The following STK39 variants were observed in gnomAD, a reference collection of about 807,000 sequenced individuals.
STK39 encodes STE20/SPS1-related proline-alanine-rich protein kinase.
In STK39, 20 loss-of-function variants were observed where a neutral mutation model predicts 77.8. That is an observed-to-expected ratio of 0.26 (90% CI 0.18 to 0.37). The LOEUF (loss-of-function observed/expected upper bound fraction) is 0.37. Ranked by LOEUF, STK39 falls within the 10% of genes least tolerant of loss-of-function variation. The pLI, the probability that STK39 is intolerant of heterozygous loss-of-function variation, is 1.00. For synonymous variants in STK39, 246 were observed against 234.1 expected, an observed-to-expected ratio of 1.05 and a Z score of -0.47; for missense variants, 479 against 656.5, an observed-to-expected ratio of 0.73 and a Z score of 2.95.
intron 17 of STK39, among the ~76,000 whole-genome samples, chr2:167,957,425 T>C (rs1691818033): frequency 6.6e-6 from 1 of 152,206 alleles, no homozygotes; most frequent in Admixed American, 6.5e-5. Context: ...GGCTGAGGTA[T>C]TTCTGGTGGT....
chr2:168,035,543 TA>T (rs1207025823), intron 14 of STK39, among the ~76,000 whole-genome samples: 3 of 152,152 alleles, frequency 2.0e-5, no homozygotes, highest in Non-Finnish European at 4.4e-5. Flanking sequence ...ATCTAGGAAG[TA>T]AGACATGTTA....
At chr2:168,158,584 A>G (rs186440852) in intron 5 of STK39, among the ~76,000 whole-genome samples, 5 of 152,320 alleles carry the variant, frequency 3.3e-5, no homozygotes, top group Admixed American at 6.5e-5. Flanking sequence ...ATCCAGATTT[A>G]AGGTCCTCCT....
chr2:168,149,393 T>G (rs902591531), intron 5 of STK39, among the ~76,000 whole-genome samples: 1 of 152,208 alleles, frequency 6.6e-6, no homozygotes, highest in African/African-American at 2.4e-5. Flanking sequence ...CAATCCCCAC[T>G]GGCAGTGCAG....
At chr2:168,150,823 C>T (rs1196841529) in intron 5 of STK39, among the ~76,000 whole-genome samples, 1 of 151,866 alleles carries the variant, frequency 6.6e-6, no homozygotes, top group Non-Finnish European at 1.5e-5. Flanking sequence ...ATTCACACAC[C>T]ACTACATATT....
At chr2:168,221,642 G>T (rs555020680) in intron 1 of STK39, among the ~76,000 whole-genome samples, 1 of 152,114 alleles carries the variant, frequency 6.6e-6, no homozygotes, top group Non-Finnish European at 1.5e-5. Flanking sequence ...GAGATGGAAC[G>T]ATTAGTTACC....
At chr2:168,101,889 T>C (rs935578903) in intron 10 of STK39, among the ~76,000 whole-genome samples, 2 of 152,190 alleles carry the variant, frequency 1.3e-5, no homozygotes, top group African/African-American at 2.4e-5. Flanking sequence ...TTTTAGAACA[T>C]TGCTGTCACC....
At chr2:168,210,736 T>C (rs1479201975) in intron 1 of STK39, among the ~76,000 whole-genome samples, 1 of 152,088 alleles carries the variant, frequency 6.6e-6, no homozygotes, top group Non-Finnish European at 1.5e-5. Context: ...GCCAGGCTGG[T>C]CTCAAACCCC....
At position 167,969,283 on chromosome 2, in the gene STK39, T is replaced by G. The variant is rs55715865; in HGVS notation, c.1499-4557A>C. Among the ~76,000 whole-genome samples, 133 of 152,352 alleles carry G rather than the reference T, an allele frequency of 8.7e-4. 1 individual carries two copies. In the South Asian group the frequency reaches 0.013, roughly 15 times the overall value. On this transcript the variant is annotated intron_variant, in intron 16 of 17. Transcript: ENST00000355999. ...TCTTACCTCCTCCGAGCCCTCTTTC[T>G]AATACTCACCAGAGTTACTGGATAA...
At chr2:168,038,431 G>T (rs1344274022) in intron 14 of STK39, among the ~76,000 whole-genome samples, 1 of 136,884 alleles carries the variant, frequency 7.3e-6, no homozygotes, top group Non-Finnish European at 1.6e-5. Context: ...AGACCTAAAT[G>T]TAAAGGCTAA....
intron 16 of STK39, among the ~76,000 whole-genome samples, chr2:167,972,031 G>C (rs1692361615): frequency 1.3e-5 from 2 of 152,196 alleles, no homozygotes; most frequent in African/African-American, 4.8e-5. Flanking sequence ...GAGGCTTTTT[G>C]CCTGTGGTTG....
At chr2:168,085,936 A>G (rs1686354683) in intron 10 of STK39, among the ~76,000 whole-genome samples, 1 of 152,186 alleles carries the variant, frequency 6.6e-6, no homozygotes, top group Non-Finnish European at 1.5e-5. Context: ...TAAGCATTCC[A>G]ACTGCCTTCA....
intron 5 of STK39, among the ~76,000 whole-genome samples, chr2:168,152,603 C>T (rs969604885): frequency 3.3e-5 from 5 of 152,096 alleles, no homozygotes; most frequent in African/African-American, 1.2e-4. Context: ...GAGTGAAGTG[C>T]TTTTATGACT....
At chr2:168,199,640 G>A (rs1257891058) in intron 1 of STK39, among the ~76,000 whole-genome samples, 2 of 151,546 alleles carry the variant, frequency 1.3e-5, no homozygotes, top group Admixed American at 6.6e-5. Flanking sequence ...CGATTCTGCC[G>A]AGTAGCTGGG....
intron 16 of STK39, among the ~76,000 whole-genome samples, chr2:168,004,679 G>C (rs1022831046): frequency 6.7e-6 from 1 of 148,732 alleles, no homozygotes; most frequent in Middle Eastern, 3.6e-3. Context: ...CTTGCAGTCA[G>C]CCGAGATTGC....
At chr2:167,975,948 T>C (rs1683266127) in intron 16 of STK39, among the ~76,000 whole-genome samples, 1 of 152,204 alleles carries the variant, frequency 6.6e-6, no homozygotes, top group Non-Finnish European at 1.5e-5. Flanking sequence ...ATTCCTCCCT[T>C]TGCTGAAGGA....
At position 168,225,508 on chromosome 2, in the gene STK39, C is replaced by CCATAT. The variant is rs201715100; in HGVS notation, c.208+21715_208+21719dup. On this transcript the variant is annotated intron_variant, in intron 1 of 17. Coordinates refer to ENST00000355999, the MANE Select transcript of STK39 (RefSeq NM_013233.3). ...ATCCAGCAGAAAAGGCAAGACCAGA[C>CCATAT]CATATCTCAGGATTCGGGTATCATT... Among the ~76,000 whole-genome samples the CCATAT allele has an allele frequency of 4.8e-3, 730 of 152,204 alleles. 17 individuals carry two copies. The highest frequency in any genetic ancestry group is 0.036 in the Admixed American group (557 of 15,268).
At chr2:168,207,784 C>G (rs955119048) in intron 1 of STK39, among the ~76,000 whole-genome samples, 1 of 134,476 alleles carries the variant, frequency 7.4e-6, no homozygotes, top group Non-Finnish European at 1.6e-5. Context: ...AAGTATTTAG[C>G]CTCGTGTTAC....
intron 1 of STK39, among the ~76,000 whole-genome samples, chr2:168,239,882 C>T (rs1690715793): frequency 6.6e-6 from 1 of 152,130 alleles, no homozygotes; most frequent in Admixed American, 6.5e-5. Context: ...GCTCTAGAGG[C>T]AGAGATTGTT....
intron 13 of STK39, among the ~76,000 whole-genome samples, 182 bp downstream of exon 13, chr2:168,065,137 C>T (rs1004197059): frequency 6.6e-6 from 1 of 152,126 alleles, no homozygotes; most frequent in African/African-American, 2.4e-5. Flanking sequence ...ACTCTTGAGC[C>T]TATCATTTAA....
Sources: allele counts gnomAD v4.1 joint callset (sites outside exome capture counted in the v4.1 genomes callset), GRCh38; gene constraint gnomAD v4.1.1; transcripts MANE v1.5; gene names NCBI Gene and HGNC (gene_info 2026-07-23, HGNC 2026-07-21).